Variants in DLEU7 observed in about 807,000 individuals in gnomAD.
The protein encoded by DLEU7 is leukemia-associated protein 7.
In DLEU7, 17 loss-of-function variants were observed where a neutral mutation model predicts 16.0. That is an observed-to-expected ratio of 1.06 (90% CI 0.73 to 1.59). DLEU7 has a LOEUF of 1.59. Ranked by LOEUF, DLEU7 falls within the 40% of genes most tolerant of loss-of-function variation. The pLI is 0.00. For missense variants in DLEU7, 308 were observed against 314.9 expected, an observed-to-expected ratio of 0.98 and a Z score of 0.17; for synonymous variants, 113 against 139.8, an observed-to-expected ratio of 0.81 and a Z score of 1.35.
At chr13:50,760,586 C>T (rs867128444) in intron 1 of DLEU7, among the ~76,000 whole-genome samples, 1 of 152,204 alleles carries the variant, frequency 6.6e-6, no homozygotes. Context: ...TGGTCTCAAA[C>T]TCCTGGCCTC....
At chr13:50,792,611 G>A (rs141126151) in intron 1 of DLEU7, among the ~76,000 whole-genome samples, 19 of 145,820 alleles carry the variant, frequency 1.3e-4, no homozygotes, top group South Asian at 4.3e-4. Context: ...ATTCACTTCC[G>A]GGAACTGAAC....
At chr13:50,747,671 G>T (rs1593539491) in intron 1 of DLEU7, among the ~76,000 whole-genome samples, 1 of 152,010 alleles carries the variant, frequency 6.6e-6, no homozygotes, top group South Asian at 2.1e-4. Context: ...AGCCTGGGTT[G>T]TTTCTGTAAG....
intron 1 of DLEU7, among the ~76,000 whole-genome samples, chr13:50,715,018 G>A (rs928611176): frequency 1.3e-5 from 2 of 152,230 alleles, no homozygotes; most frequent in Middle Eastern, 3.4e-3. Flanking sequence ...AGGCCTCTGC[G>A]CCTTGTTGGC....
exon 2 of DLEU7, chr13:50,713,156 T>C: frequency 6.3e-7 from 1 of 1,586,374 alleles, no homozygotes; most frequent in Non-Finnish European, 8.6e-7. Flanking sequence ...ATTCAGAATT[T>C]GGCACTGGTT....
At chr13:50,760,504 G>A (rs1874896731) in intron 1 of DLEU7, among the ~76,000 whole-genome samples, 1 of 152,090 alleles carries the variant, frequency 6.6e-6, no homozygotes, top group African/African-American at 2.4e-5. Flanking sequence ...TAGGATTACA[G>A]GCATGTGCCA....
At chr13:50,797,187 G>A (rs1876129610) in intron 1 of DLEU7, among the ~76,000 whole-genome samples, 1 of 152,092 alleles carries the variant, frequency 6.6e-6, no homozygotes, top group South Asian at 2.1e-4. Flanking sequence ...CTAGAACCTG[G>A]ATTCAACCCA....
chr13:50,714,992 T>C (rs1873399732), intron 1 of DLEU7, among the ~76,000 whole-genome samples: 1 of 152,200 alleles, frequency 6.6e-6, no homozygotes, highest in South Asian at 2.1e-4. Flanking sequence ...GAGGCTCTAA[T>C]GAAGCATCTG....
chr13:50,843,182 A>G lies in DLEU7; in HGVS notation c.459+6T>C. ...CGCCAGAGGGGATGGCGGGGGCCAG[A>G]CTCACCTTCAGGTGAATGGGAAAGG... On this transcript the variant is annotated splice_donor_region_variant and intron_variant, in intron 1 of 1. Transcript: ENST00000504404. The surrounding 1 kb of genome is among the most constrained non-coding windows in gnomAD (Gnocchi z 5.7). 1 of 1,587,818 alleles carries G rather than the reference A, an allele frequency of 6.3e-7. No individual in the cohort carries two copies. Among genetic ancestry groups the G allele is most frequent in the Non-Finnish European group, 8.6e-7 (1 of 1,168,374 alleles).
At chr13:50,741,176 G>A (rs1050589148) in intron 1 of DLEU7, among the ~76,000 whole-genome samples, 6 of 152,186 alleles carry the variant, frequency 3.9e-5, no homozygotes, top group Non-Finnish European at 2.9e-5. Context: ...GAATTATTTT[G>A]TTTTCCAATT....
At chr13:50,837,470 C>T (rs553629225) in intron 1 of DLEU7, among the ~76,000 whole-genome samples, 49 of 152,278 alleles carry the variant, frequency 3.2e-4, no homozygotes, top group African/African-American at 1.1e-3. Flanking sequence ...TATACATAAG[C>T]TACTTCTAGA....
intron 1 of DLEU7, among the ~76,000 whole-genome samples, chr13:50,807,520 G>T (rs1876429071): frequency 6.6e-6 from 1 of 151,056 alleles, no homozygotes; most frequent in Non-Finnish European, 1.5e-5. Context: ...TTTTTTTTAA[G>T]GTAATGTATT....
At chr13:50,841,707 C>A (rs1203189860) in intron 1 of DLEU7, among the ~76,000 whole-genome samples, 5 of 145,926 alleles carry the variant, frequency 3.4e-5, no homozygotes, top group African/African-American at 1.3e-4. Flanking sequence ...TACCACACTG[C>A]AGCCTTGGCA....
chr13:50,841,227 T>G (rs942461590), intron 1 of DLEU7, among the ~76,000 whole-genome samples: 7 of 152,144 alleles, frequency 4.6e-5, no homozygotes, highest in African/African-American at 1.7e-4. Flanking sequence ...CACACAGGCC[T>G]TTCCCTAACT....
chr13:50,820,796 G>A (rs1187339837), downstream of DLEU7, among the ~76,000 whole-genome samples: 1 of 151,978 alleles, frequency 6.6e-6, no homozygotes, highest in African/African-American at 2.4e-5. Flanking sequence ...TACCCATATT[G>A]AAAACATGAA....
At chr13:50,816,710 A>T (rs982565162) in intron 1 of DLEU7, among the ~76,000 whole-genome samples, 2 of 152,110 alleles carry the variant, frequency 1.3e-5, no homozygotes, top group Non-Finnish European at 2.9e-5. Context: ...GAGGAGAACT[A>T]TATTTTTTCA....
chr13:50,843,822 T>A, upstream of DLEU7: 2 of 844,248 alleles, frequency 2.4e-6, no homozygotes, highest in Non-Finnish European at 1.7e-6. The surrounding 1 kb of genome is among the most constrained non-coding windows in gnomAD (Gnocchi z 5.7). Context: ...CGTGCTGGCC[T>A]CTGCCTTCGC....
intron 1 of DLEU7, chr13:50,808,674 G>A (rs1472794873): frequency 6.6e-6 from 1 of 152,054 alleles, no homozygotes; most frequent in East Asian, 1.9e-4. Context: ...CAAGAAATAA[G>A]ACAGCAACAC....
chr13:50,827,130 C>T lies in DLEU7; in HGVS notation c.460-3610G>A, dbSNP rs554634507. 3.3e-5 allele frequency among the ~76,000 whole-genome samples: 5 copies of T among 152,190 alleles called. No homozygotes were observed. The East Asian group carries it at 7.7e-4, about 24-fold the overall frequency. ...TTGTTCAAAACAAAAATTATAAAAA[C>T]GAACGTGGAGTTTAGGACATCTAAA... On this transcript the variant is annotated intron_variant, in intron 1 of 1. Coordinates refer to ENST00000504404, the MANE Select transcript of DLEU7 (RefSeq NM_001306135.2).
intron 1 of DLEU7, among the ~76,000 whole-genome samples, chr13:50,801,727 A>G (rs1410266700): frequency 1.3e-5 from 2 of 152,138 alleles, no homozygotes; most frequent in African/African-American, 4.8e-5. Flanking sequence ...TACCACCACA[A>G]ACCACAACAT....
Sources: allele counts gnomAD v4.1 joint callset (sites outside exome capture counted in the v4.1 genomes callset), GRCh38; gene constraint gnomAD v4.1.1; non-coding constraint Gnocchi (gnomAD v3.1); transcripts MANE v1.5; gene names NCBI Gene and HGNC (gene_info 2026-07-23, HGNC 2026-07-21).